Variants in TMEM132C observed in about 807,000 individuals in gnomAD.
TMEM132C encodes the protein transmembrane protein 132C.
Under a neutral mutation model 61.4 loss-of-function variants are expected in TMEM132C, and 29 were observed. The ratio of observed to expected loss-of-function variants is 0.47; its 90% CI spans 0.35 to 0.64. The LOEUF is 0.64. Among genes scored for constraint, TMEM132C ranks in the 30% least tolerant of loss-of-function variants. TMEM132C has a pLI of 0.00. For missense variants in TMEM132C, 1,408 were observed against 1,476.9 expected (o/e 0.95, Z 0.76); for synonymous variants, 656 against 633.1 (o/e 1.04, Z -0.54).
At chr12:128,666,940 G>A (rs928297156) in intron 4 of TMEM132C, among the ~76,000 whole-genome samples, 28 of 152,126 alleles carry the variant, frequency 1.8e-4, no homozygotes, top group Middle Eastern at 3.4e-3. Context: ...CGTGGTGGCC[G>A]GTGCCTGTAG....
Position 128,414,836 on chromosome 12 carries a change from C to A in TMEM132C, c.190C>A (p.Leu64Ile). 1 of 1,548,112 alleles carries A rather than the reference C, an allele frequency of 6.5e-7. No individual in the cohort carries two copies. Among genetic ancestry groups the A allele is most frequent in the Middle Eastern group, 1.7e-4 (1 of 5,992 alleles). The part of the protein sequence containing the change: ...HILRAETSFF[L>I]KEANQDLLRN... ...CCTCAGAGCAGAGACCTCCTTCTTC[C>A]TCAAGGAAGCCAACCAGGACCTGCT... Residue 64 changes from leucine to isoleucine, a missense_variant, in exon 2 of 9, where the codon CTC (leucine) becomes ATC (isoleucine). Leu to Ile is a conservative substitution (Grantham distance 5). Transcript: ENST00000435159.
intron 4 of TMEM132C, among the ~76,000 whole-genome samples, chr12:128,662,942 C>T (rs894074326): frequency 3.3e-5 from 5 of 152,240 alleles, no homozygotes; most frequent in African/African-American, 1.2e-4. Flanking sequence ...TTCTTAGTCC[C>T]ATGTCCAGGG....
intron 2 of TMEM132C, among the ~76,000 whole-genome samples, chr12:128,541,420 A>G (rs1181909987): frequency 1.3e-5 from 2 of 152,118 alleles, no homozygotes; most frequent in African/African-American, 4.8e-5. Context: ...CTGGAGATTG[A>G]GGGGATGGGC....
At chr12:128,615,434 G>C (rs1476620705) in intron 3 of TMEM132C, among the ~76,000 whole-genome samples, 4 of 152,208 alleles carry the variant, frequency 2.6e-5, no homozygotes, top group Non-Finnish European at 5.9e-5. Context: ...CCGTAATGTA[G>C]AATCAGTGGG....
At chr12:128,695,723 G>C in intron 6 of TMEM132C, 107 bp from the exon 7 acceptor site, 1 of 1,276,690 alleles carries the variant, frequency 7.8e-7, no homozygotes, top group Non-Finnish European at 1.0e-6. Flanking sequence ...CCTGGCGCTC[G>C]TGTCTTCAAT....
intron 3 of TMEM132C, among the ~76,000 whole-genome samples, chr12:128,600,158 A>G (rs1471761514): frequency 1.5e-4 from 23 of 151,926 alleles, no homozygotes; most frequent in East Asian, 1.4e-3. Flanking sequence ...AATTTTTTGT[A>G]TTTTTAGTAG....
intron 4 of TMEM132C, among the ~76,000 whole-genome samples, chr12:128,667,232 C>T (rs959926168): frequency 5.9e-4 from 90 of 152,044 alleles, no homozygotes; most frequent in African/African-American, 2.0e-3. Flanking sequence ...CGCATGTGTG[C>T]GTGTAGTTGC....
intron 4 of TMEM132C, among the ~76,000 whole-genome samples, chr12:128,627,624 C>T (rs7978608): frequency 0.2 from 30,029 of 152,116 alleles, 4,760 homozygotes; most frequent in African/African-American, 0.44. Context: ...AGCACCGGCA[C>T]CCCAGGCATT....
rs374773291 is a variant in TMEM132C at position 128,549,415 on chromosome 12, C to T, written c.1121+5312C>T. Among the ~76,000 whole-genome samples, 7 of 152,048 alleles carry T rather than the reference C, an allele frequency of 4.6e-5. No individual in the cohort carries two copies. The East Asian group carries it at 5.8e-4, about 13-fold the overall frequency. Reference sequence around the variant, plus strand: ...CAGTAAAGCCACCATCACCCCCCGGCGCGTCAAAGGGCTGCTTGGCTCGGA... The same window carrying T: ...CAGTAAAGCCACCATCACCCCCCGGTGCGTCAAAGGGCTGCTTGGCTCGGA... On this transcript the variant is annotated intron_variant, in intron 3 of 8. Coordinates refer to ENST00000435159, the MANE Select transcript of TMEM132C (RefSeq NM_001136103.3).
chr12:128,469,275 T>A (rs1870850180), intron 2 of TMEM132C, among the ~76,000 whole-genome samples: 1 of 152,028 alleles, frequency 6.6e-6, no homozygotes, highest in African/African-American at 2.4e-5. Context: ...TTTTACTTTA[T>A]GACTCAGATC....
chr12:128,583,402 A>C (rs1387728526), intron 3 of TMEM132C, among the ~76,000 whole-genome samples: 2 of 152,192 alleles, frequency 1.3e-5, no homozygotes, highest in Non-Finnish European at 2.9e-5. Context: ...CAAAAAAAAA[A>C]AAAAGCTTTA....
chr12:128,343,566 T>A (rs988162050), intron 1 of TMEM132C, among the ~76,000 whole-genome samples: 1 of 152,236 alleles, frequency 6.6e-6, no homozygotes, highest in African/African-American at 2.4e-5. Flanking sequence ...GATTGCAATA[T>A]TCCACTAAAT....
At chr12:128,672,233 G>T (rs1039198821) in intron 5 of TMEM132C, among the ~76,000 whole-genome samples, 1 of 152,042 alleles carries the variant, frequency 6.6e-6, no homozygotes, top group African/African-American at 2.4e-5. Context: ...GCCATGTGTG[G>T]CTTGTGGCTC....
At chr12:128,527,199 C>T (rs945605484) in intron 2 of TMEM132C, among the ~76,000 whole-genome samples, 8 of 152,142 alleles carry the variant, frequency 5.3e-5, no homozygotes, top group Non-Finnish European at 1.0e-4. Flanking sequence ...TCCAGAATTG[C>T]ACCCCAACAT....
chr12:128,518,260 C>G (rs1390506508), intron 2 of TMEM132C, among the ~76,000 whole-genome samples: 1 of 152,168 alleles, frequency 6.6e-6, no homozygotes, highest in Non-Finnish European at 1.5e-5. Context: ...TAGAAAGCAC[C>G]TAGATATATA....
At chr12:128,383,047 C>T (rs1009356111) in intron 1 of TMEM132C, among the ~76,000 whole-genome samples, 2 of 151,594 alleles carry the variant, frequency 1.3e-5, no homozygotes, top group East Asian at 1.9e-4. Context: ...TGTGTGTGCA[C>T]GTGAGCATCT....
chr12:128,494,825 T>A (rs1453434786), intron 2 of TMEM132C, among the ~76,000 whole-genome samples: 2 of 152,028 alleles, frequency 1.3e-5, no homozygotes, highest in Admixed American at 6.6e-5. Context: ...TTTGAAGGGT[T>A]TTTTGTGTCT....
chr12:128,286,310 C>T (rs1471007118), intron 1 of TMEM132C, among the ~76,000 whole-genome samples: 1 of 152,176 alleles, frequency 6.6e-6, no homozygotes, highest in Non-Finnish European at 1.5e-5. Context: ...GTGCCCACTC[C>T]TGGATGCAGG....
chr12:128,574,475 G>T (rs559172486), intron 3 of TMEM132C, among the ~76,000 whole-genome samples: 2 of 152,286 alleles, frequency 1.3e-5, no homozygotes, highest in African/African-American at 4.8e-5. Context: ...AGCCACTTTT[G>T]CACATGACTT....
Sources: gnomAD v4.1 joint callset for allele counts (sites outside exome capture counted in the v4.1 genomes callset) on GRCh38, gnomAD v4.1.1 for gene constraint, MANE v1.5 for transcripts, NCBI Gene and HGNC (gene_info 2026-07-23, HGNC 2026-07-21) for gene names.